PFKM: variants seen among roughly 807,000 people sequenced by gnomAD.
PFKM encodes the protein phosphofructokinase, muscle.
PFKM carries 58 observed loss-of-function variants against 95.5 expected under a neutral mutation model. The observed-to-expected ratio is 0.61, with a 90% CI of 0.49 to 0.76. The LOEUF (loss-of-function observed/expected upper bound fraction) is 0.76. Among genes scored for constraint, PFKM ranks in the 30% least tolerant of loss-of-function variants. The pLI is 0.00. For missense variants in PFKM, 678 were observed against 1,005.4 expected (o/e 0.67, Z 4.40); for synonymous variants, 336 against 357.2 (o/e 0.94, Z 0.67).
At chr12:48,131,450 C>A in intron 4 of PFKM, 57 bp downstream of exon 4, 1 of 1,242,082 alleles carries the variant, frequency 8.1e-7, no homozygotes, top group Non-Finnish European at 1.2e-6. Flanking sequence ...TCATCCCACT[C>A]TGTTTTGGGC....
chr12:48,142,722 G>C (rs1950684331), intron 17 of PFKM, 60 bp from the exon 18 acceptor site: 8 of 1,441,306 alleles, frequency 5.6e-6, no homozygotes, highest in Non-Finnish European at 7.8e-6. Flanking sequence ...AAAGATTAAA[G>C]AGTGATAAGA....
chr12:48,134,096 T>C, intron 6 of PFKM, 136 bp from the exon 7 acceptor site: 2 of 792,800 alleles, frequency 2.5e-6, no homozygotes, highest in Non-Finnish European at 4.6e-6. Flanking sequence ...TAGGTCTTCC[T>C]GGTCTCAGGA....
intron 3 of PFKM, among the ~76,000 whole-genome samples, chr12:48,112,612 C>T (rs887451900): frequency 1.3e-5 from 2 of 152,074 alleles, no homozygotes; most frequent in Non-Finnish European, 2.9e-5. Context: ...TGTTTGAGAT[C>T]CACTACAGAA....
intron 20 of PFKM, among the ~76,000 whole-genome samples, chr12:48,144,670 C>A (rs1211070475): frequency 6.6e-6 from 1 of 152,214 alleles, no homozygotes; most frequent in Non-Finnish European, 1.5e-5. Context: ...AAAAAAAACA[C>A]TTTTATGTCA....
In PFKM at chr12:48,137,777, C is replaced by T; in HGVS notation, c.993C>T (p.Thr331=). ...VMALLEGTPD[T]PACVVSLSGN... ...CACTTTTGGAGGGGACCCCAGATAC[C>T]CCAGCCTGTGTAGTGAGCCTCTCTG... Residue 331 remains threonine, a synonymous_variant, in exon 11 of 23, where the codon ACC becomes ACT. Transcript: ENST00000359794. 6.2e-7 allele frequency: 1 copy of T among 1,614,082 alleles called. No individual in the cohort carries two copies. The highest frequency in any genetic ancestry group is 1.6e-4 in the Middle Eastern group (1 of 6,062).
intron 2 of PFKM, among the ~76,000 whole-genome samples, chr12:48,127,013 A>G (rs1176100738): frequency 6.6e-6 from 1 of 152,206 alleles, no homozygotes; most frequent in Non-Finnish European, 1.5e-5. Context: ...TCTAGACTTC[A>G]TGGGGCTTTG....
chr12:48,107,076 ACACC>A (rs1295267315), intron 1 of PFKM, among the ~76,000 whole-genome samples: 2 of 152,102 alleles, frequency 1.3e-5, no homozygotes, highest in Non-Finnish European at 2.9e-5. Context: ...TAGGTCCTTT[ACACC>A]CAGATCACAG....
intron 18 of PFKM, 87 bp from the exon 19 acceptor site, chr12:48,143,666 T>C (rs1172912636): frequency 1.1e-6 from 1 of 949,002 alleles, no homozygotes; most frequent in African/African-American, 1.6e-5. Flanking sequence ...TGTCTCTTCC[T>C]TCCTGGAGAG....
Position 48,134,723 on chromosome 12 carries a change from A to G in PFKM, c.641A>G (p.Tyr214Cys). 6.2e-7 allele frequency: 1 copy of G among 1,609,262 alleles called. No homozygotes were observed. The highest frequency in any genetic ancestry group is 8.5e-7 in the Non-Finnish European group (1 of 1,175,562). Residue 214 changes from tyrosine to cysteine, a missense_variant and splice_region_variant, in exon 8 of 23, where the codon TAC (tyrosine) becomes TGC (cysteine). Tyr to Cys is a radical substitution (Grantham distance 194, BLOSUM62 -2). Transcript: ENST00000359794. ...VLEVMGRHCG[Y>C]LALVTSLSCG... ...GATGCTTCTGACTCTCATCTCAGATACCTGGCCCTTGTCACCTCTCTGTCC... is the reference window on the plus strand; with the variant it reads ...GATGCTTCTGACTCTCATCTCAGATGCCTGGCCCTTGTCACCTCTCTGTCC...
At chr12:48,143,351 C>T (rs1950741616) in intron 18 of PFKM, among the ~76,000 whole-genome samples, 1 of 152,190 alleles carries the variant, frequency 6.6e-6, no homozygotes, top group South Asian at 2.1e-4. Flanking sequence ...GTCTCCCCTT[C>T]AGATTTCCCT....
rs112898503 is a variant in PFKM, at chr12:48,128,259, G to GTC, written c.86-2084_86-2083dup. Among the ~76,000 whole-genome samples, 939 of 149,894 alleles carry GTC rather than the reference G, an allele frequency of 6.3e-3. 14 individuals carry two copies. Among genetic ancestry groups the GTC allele is most frequent in the Admixed American group, 0.034 (517 of 15,006 alleles). The stretch of plus-strand genomic sequence containing the variant: ...TTTGTCCCTGTTTCGACTGTACTTT[G>GTC]TCTCTCTCTCTCTCTCTCTCTTTTT... On this transcript the variant is annotated intron_variant, in intron 2 of 22. Transcript: ENST00000359794.
intron 10 of PFKM, among the ~76,000 whole-genome samples, chr12:48,136,692 CTTTTTT>C (rs1166389532): frequency 3.2e-5 from 2 of 63,022 alleles, no homozygotes; most frequent in Non-Finnish European, 5.9e-5. Context: ...GGGGTCGTCA[CTTTTTT>C]TTTTTTTTTT....
At chr12:48,115,800 C>T (rs1297212170), upstream of PFKM, among the ~76,000 whole-genome samples, 1 of 152,134 alleles carries the variant, frequency 6.6e-6, no homozygotes, top group African/African-American at 2.4e-5. Flanking sequence ...CACTTTTTGT[C>T]ATATTTATAT....
upstream of PFKM, among the ~76,000 whole-genome samples, chr12:48,116,668 G>A (rs765782659): frequency 6.6e-5 from 10 of 152,020 alleles, no homozygotes; most frequent in Non-Finnish European, 1.3e-4. Flanking sequence ...TTGTAGAGAC[G>A]GGGTTTCACC....
intron 20 of PFKM, 26 bp downstream of exon 20, chr12:48,144,183 C>A: frequency 1.4e-5 from 21 of 1,448,682 alleles, no homozygotes; most frequent in Non-Finnish European, 1.9e-5. Flanking sequence ...TAGTCATGCC[C>A]TTCATCAGAC....
At chr12:48,121,369 G>A (rs943465536) in intron 1 of PFKM, among the ~76,000 whole-genome samples, 3 of 152,204 alleles carry the variant, frequency 2.0e-5, no homozygotes, top group East Asian at 1.9e-4. Flanking sequence ...TAGAAGCTTC[G>A]AATGCCAACC....
At position 48,140,985 on chromosome 12, in the gene PFKM, C is replaced by T. The variant is rs149091449; in HGVS notation, c.1341+114C>T. The T allele has an allele frequency of 1.6e-4, 185 of 1,122,226 alleles. 3 individuals are homozygous for T. In the East Asian group the frequency reaches 3.6e-3, roughly 22 times the overall value. 69.5% of individuals were successfully genotyped at this position (1,122,226 alleles called of 1,614,324 possible). ...TCCTCACTACCTCTCTCTCCTCTCT[C>T]AGGGTCCAGGCAGAAGTAGATATTT... is the stretch of plus-strand genomic sequence containing the variant. On this transcript the variant is annotated intron_variant, in intron 14 of 22. Transcript: ENST00000359794.
At chr12:48,125,430 T>C (rs1205938822) in intron 2 of PFKM, 1 of 407,930 alleles carries the variant, frequency 2.5e-6, no homozygotes, top group Non-Finnish European at 4.8e-6. Flanking sequence ...GAGACCAGCC[T>C]GACCAACATG....
chr12:48,119,622 T>TC (rs1948002428), intron 1 of PFKM, among the ~76,000 whole-genome samples: 1 of 115,480 alleles, frequency 8.7e-6, no homozygotes, highest in South Asian at 3.1e-4. Context: ...TCAGCTGCAT[T>TC]CCCCAGGAAT....
Sources: gnomAD v4.1 joint callset for allele counts (sites outside exome capture counted in the v4.1 genomes callset) on GRCh38, gnomAD v4.1.1 for gene constraint, MANE v1.5 for transcripts, NCBI Gene and HGNC (gene_info 2026-07-23, HGNC 2026-07-21) for gene names.